The following HYDIN variants were observed in gnomAD, a reference collection of about 807,000 sequenced individuals.
The protein encoded by HYDIN is HYDIN axonemal central pair apparatus protein.
HYDIN carries 132 observed loss-of-function variants against 403.9 expected under a neutral mutation model. The ratio of observed to expected loss-of-function variants is 0.33; its 90% CI spans 0.28 to 0.38. The LOEUF (loss-of-function observed/expected upper bound fraction) is 0.38. Ranked by LOEUF, HYDIN falls within the 10% of genes least tolerant of loss-of-function variation. HYDIN has a pLI of 1.00. For synonymous variants in HYDIN, 1,202 were observed against 1,891.7 expected (o/e 0.64, Z 9.46); for missense variants, 2,827 against 5,009.5 (o/e 0.56, Z 13.15).
At chr16:70,808,093 G>T (rs1353397722) in intron 85 of HYDIN, 31 bp from the exon 86 acceptor site, 5 of 1,570,470 alleles carry the variant, frequency 3.2e-6, no homozygotes, top group Non-Finnish European at 4.3e-6. Context: ...CTCAGCTCAC[G>T]TGAGATCCTG....
At chr16:70,938,443 C>A (rs956627015) in intron 44 of HYDIN, among the ~76,000 whole-genome samples, 171 bp downstream of exon 44, 2 of 152,238 alleles carry the variant, frequency 1.3e-5, no homozygotes, top group African/African-American at 4.8e-5. Context: ...CAGCCAGCAC[C>A]CTTGATGGGC....
chr16:70,883,824 G>C, intron 59 of HYDIN, 96 bp downstream of exon 59: 3 of 1,444,836 alleles, frequency 2.1e-6, no homozygotes, highest in Non-Finnish European at 1.9e-6. Context: ...GCCCGCCTTG[G>C]CCTCCCAAAG....
chr16:71,054,234 G>C (rs1242732350), intron 18 of HYDIN, among the ~76,000 whole-genome samples: 1 of 152,284 alleles, frequency 6.6e-6, no homozygotes, highest in Non-Finnish European at 1.5e-5. Flanking sequence ...AGAATATAAA[G>C]AGGCTTAACA....
chr16:71,137,853 T>C (rs2084992975), intron 7 of HYDIN, among the ~76,000 whole-genome samples: 1 of 151,760 alleles, frequency 6.6e-6, no homozygotes, highest in African/African-American at 2.4e-5. Flanking sequence ...GAAAACTGAC[T>C]ACTTAAAAGA....
chr16:71,002,361 C>T (rs2079747048), intron 23 of HYDIN, among the ~76,000 whole-genome samples: 2 of 152,048 alleles, frequency 1.3e-5, no homozygotes, highest in South Asian at 4.2e-4. Context: ...GCCTTGGCAA[C>T]ATAATGAGAC....
At chr16:70,949,900 A>C (rs1457495452) in intron 41 of HYDIN, among the ~76,000 whole-genome samples, 1 of 152,290 alleles carries the variant, frequency 6.6e-6, no homozygotes, top group African/African-American at 2.4e-5. Context: ...TGGACAGAAC[A>C]AAACCCAAGG....
chr16:71,101,987 T>C (rs2083468647), intron 10 of HYDIN, among the ~76,000 whole-genome samples: 1 of 152,078 alleles, frequency 6.6e-6, no homozygotes, highest in African/African-American at 2.4e-5. Context: ...ATTCAAATAA[T>C]AGAATATTAA....
At chr16:71,081,866 G>T (rs2082795583) in intron 12 of HYDIN, among the ~76,000 whole-genome samples, 1 of 147,096 alleles carries the variant, frequency 6.8e-6, no homozygotes. Flanking sequence ...CTGTGCTATG[G>T]TTCAAACTTT....
At position 70,829,885 on chromosome 16, in the gene HYDIN, A is replaced by T; in HGVS notation, c.13900-55T>A. ...TGGCACTTCCCCCTGGTCCGTCTCCAGGGCCAGAAGTACAGAATGTGCGCT... is the reference window on the plus strand; with the variant it reads ...TGGCACTTCCCCCTGGTCCGTCTCCTGGGCCAGAAGTACAGAATGTGCGCT... On this transcript the variant is annotated intron_variant, in intron 80 of 85. Coordinates refer to ENST00000393567, the MANE Select transcript of HYDIN (RefSeq NM_001270974.2). 2.0e-6 allele frequency: 3 copies of T among 1,503,568 alleles called. No individual in the cohort carries two copies. In the South Asian group the frequency reaches 3.5e-5, roughly 17 times the overall value. 93.1% of individuals were successfully genotyped at this position (1,503,568 alleles called of 1,614,324 possible).
At chr16:70,881,650 C>T (rs1306545906) in intron 60 of HYDIN, among the ~76,000 whole-genome samples, 1 of 151,868 alleles carries the variant, frequency 6.6e-6, no homozygotes, top group Non-Finnish European at 1.5e-5. Flanking sequence ...TGGGAGTCAC[C>T]AGGGCCTGAA....
Position 71,003,758 on chromosome 16 carries a change from C to T in HYDIN, c.3645-11548G>A, listed in dbSNP as rs539301241. On this transcript the variant is annotated intron_variant, in intron 23 of 85. Coordinates refer to ENST00000393567, the MANE Select transcript of HYDIN (RefSeq NM_001270974.2). The stretch of plus-strand genomic sequence containing the variant: ...AGGCTGCAGTGAGCCAAGATCGCAC[C>T]ATTGCACTCCAGCCCAGGGGACAGG... 5.7e-3 allele frequency among the ~76,000 whole-genome samples: 853 copies of T among 150,612 alleles called. 4 individuals carry two copies. The highest frequency in any genetic ancestry group is 0.01 in the Middle Eastern group (3 of 292).
intron 45 of HYDIN, among the ~76,000 whole-genome samples, chr16:70,931,662 A>T (rs1183746595): frequency 6.6e-6 from 1 of 152,216 alleles, no homozygotes; most frequent in East Asian, 1.9e-4. Flanking sequence ...ATTTCATTTT[A>T]TAGGATAAAC....
chr16:71,217,066 G>A (rs1275606095), intron 1 of HYDIN, among the ~76,000 whole-genome samples: 3 of 152,220 alleles, frequency 2.0e-5, no homozygotes, highest in Non-Finnish European at 4.4e-5. Flanking sequence ...GTTCCTGTAA[G>A]TCTCCAGTTA....
In HYDIN at chr16:70,874,882, G is replaced by T. The variant is rs374836902; in HGVS notation, c.10595C>A (p.Ser3532Tyr). ...CGCGGTGGTGGGCCTCCCTTTCAGG[G>T]AGAAGACTCCTAGCTCATCCTGCAG... ...VDLQDELGVF[S>Y]LKGRPTTAYI... The change falls in exon 63 of 86, where the codon TCC becomes TAC. Residue 3532 changes from serine to tyrosine, a missense_variant. By Grantham distance (144) the Ser-to-Tyr change is moderately radical. Transcript: ENST00000393567. The T allele has an allele frequency of 6.2e-7, 1 of 1,611,938 alleles. No homozygotes were observed.
At chr16:71,010,246 T>C (rs2080036920) in intron 23 of HYDIN, among the ~76,000 whole-genome samples, 1 of 151,882 alleles carries the variant, frequency 6.6e-6, no homozygotes, top group South Asian at 2.1e-4. Flanking sequence ...TTGGCTCCAA[T>C]CCAAACTTTT....
intron 21 of HYDIN, among the ~76,000 whole-genome samples, chr16:71,022,991 T>G (rs2080552493): frequency 6.6e-6 from 1 of 151,704 alleles, no homozygotes; most frequent in African/African-American, 2.4e-5. Context: ...AATAAGAAAC[T>G]AGGCTGCATA....
intron 8 of HYDIN, among the ~76,000 whole-genome samples, chr16:71,130,505 G>T (rs1171433226): frequency 2.3e-5 from 3 of 130,892 alleles, no homozygotes; most frequent in African/African-American, 5.8e-5. Flanking sequence ...TTTTGAGACG[G>T]AGTCTCGCTC....
At chr16:70,892,907 T>G (rs192948616) in intron 55 of HYDIN, among the ~76,000 whole-genome samples, 303 of 152,230 alleles carry the variant, frequency 2.0e-3, no homozygotes, top group Admixed American at 3.3e-3. Flanking sequence ...CCAGAGAACC[T>G]GGGGAGAGAG....
chr16:71,024,375 T>C (rs918903442), intron 21 of HYDIN, among the ~76,000 whole-genome samples: 18 of 152,124 alleles, frequency 1.2e-4, no homozygotes, highest in African/African-American at 4.3e-4. Context: ...TTTTTACTTG[T>C]AGTCTCAACT....
Sources: gnomAD v4.1 joint callset for allele counts (sites outside exome capture counted in the v4.1 genomes callset) on GRCh38, gnomAD v4.1.1 for gene constraint, MANE v1.5 for transcripts, NCBI Gene and HGNC (gene_info 2026-07-23, HGNC 2026-07-21) for gene names.